STRBP: variants seen among roughly 807,000 people sequenced by gnomAD.
The protein encoded by STRBP is spermatid perinuclear RNA binding protein.
In STRBP, 13 loss-of-function variants were observed where a neutral mutation model predicts 80.1. The ratio of observed to expected loss-of-function variants is 0.16; its 90% CI spans 0.11 to 0.26. The LOEUF (loss-of-function observed/expected upper bound fraction) is 0.26. Ranked by LOEUF, STRBP falls within the 10% of genes least tolerant of loss-of-function variation. The probability of loss-of-function intolerance (pLI) is 1.00; values close to 1 mark genes in which losing one functional copy is unlikely to be tolerated. For synonymous variants in STRBP, 284 were observed against 291.2 expected, an observed-to-expected ratio of 0.98 and a Z score of 0.25; for missense variants, 485 against 815.2, an observed-to-expected ratio of 0.59 and a Z score of 4.93.
chr9:123,128,090 TG>T, intron 18 of STRBP, 123 bp downstream of exon 18: 2 of 1,198,636 alleles, frequency 1.7e-6, no homozygotes, highest in Non-Finnish European at 2.4e-6. Context: ...GAATTTAAGT[TG>T]GGTCACTAGA....
intron 4 of STRBP, among the ~76,000 whole-genome samples, chr9:123,176,909 G>C (rs2038243959): frequency 6.6e-6 from 1 of 152,094 alleles, no homozygotes; most frequent in African/African-American, 2.4e-5. Context: ...TAAGTTATTT[G>C]ACTTTTGAAT....
chr9:123,258,671 G>GC (rs1489141021), intron 1 of STRBP, among the ~76,000 whole-genome samples: 1 of 152,114 alleles, frequency 6.6e-6, no homozygotes, highest in Non-Finnish European at 1.5e-5. Context: ...AGGCATGGTG[G>GC]CGGGCGCCTG....
In STRBP at chr9:123,122,685, C is replaced by T. The variant is rs1182949606; in HGVS notation, c.*2912G>A. The T allele has an allele frequency of 3.0e-6, 3 of 1,012,770 alleles. No individual in the cohort carries two copies. The African/African-American group carries it at 5.2e-5, about 18-fold the overall frequency. 62.7% of individuals were successfully genotyped at this position (1,012,770 alleles called of 1,614,324 possible). On this transcript the variant is annotated 3_prime_UTR_variant, in exon 19 of 19. Transcript: ENST00000348403. ...AGAAACACAAGCTGCAAGCCACATC[C>T]CTGGCTAGGGGCCAGTCCCCGTGCA... is the stretch of plus-strand genomic sequence containing the variant.
At chr9:123,158,302 T>G in intron 10 of STRBP, 30 bp downstream of exon 10, 1 of 1,602,258 alleles carries the variant, frequency 6.2e-7, no homozygotes, top group Non-Finnish European at 8.5e-7. Context: ...ATTTCACTAA[T>G]AAGTCAGAGT....
At chr9:123,181,800 CAAAAAAAAAAAAAAAAAA>C (rs56785428) in intron 3 of STRBP, among the ~76,000 whole-genome samples, 6 of 25,762 alleles carry the variant, frequency 2.3e-4, no homozygotes, top group African/African-American at 1.1e-3. Context: ...AACTTCGTCT[CAAAAAAAAAAAAAAAAAA>C]AAAAAAAAAA....
At chr9:123,158,984 G>T in intron 9 of STRBP, 112 bp downstream of exon 9, 1 of 760,520 alleles carries the variant, frequency 1.3e-6, no homozygotes. Flanking sequence ...CCAAGCAAAA[G>T]AACTCCTATG....
chr9:123,169,893 C>A lies in STRBP; in HGVS notation c.535+9G>T. ...ATATACATATATATATATATATATA[C>A]ATGTGTACCTCCATCCTTCTTCTCC... is the stretch of plus-strand genomic sequence containing the variant. On this transcript the variant is annotated intron_variant, in intron 6 of 18. Coordinates refer to ENST00000348403, the MANE Select transcript of STRBP (RefSeq NM_018387.5). 9 of 1,244,460 alleles carry A rather than the reference C, an allele frequency of 7.2e-6. No homozygotes were observed. Among genetic ancestry groups the A allele is most frequent in the Non-Finnish European group, 9.8e-6 (9 of 922,232 alleles). 77.1% of individuals were successfully genotyped at this position (1,244,460 alleles called of 1,614,324 possible).
chr9:123,245,673 G>A lies in STRBP; in HGVS notation c.-301-8707C>T, dbSNP rs766845964. 3.3e-5 allele frequency among the ~76,000 whole-genome samples: 5 copies of A among 152,282 alleles called. 1 individual carries two copies. Among genetic ancestry groups the A allele is most frequent in the Middle Eastern group, 6.8e-3 (2 of 294 alleles). On this transcript the variant is annotated intron_variant, in intron 1 of 18. Coordinates refer to ENST00000348403, the MANE Select transcript of STRBP (RefSeq NM_018387.5). ...TGGGATTACAGGCGTGAGCCACCAC[G>A]TCCGGCCTCAAGCATCTGTATTTCT...
At chr9:123,155,964 G>A (rs917789240) in intron 11 of STRBP, among the ~76,000 whole-genome samples, 14 of 151,924 alleles carry the variant, frequency 9.2e-5, no homozygotes, top group South Asian at 2.1e-4. Flanking sequence ...ACTTGCCCAG[G>A]CCATATAACT....
chr9:123,177,889 A>G (rs2038289349), intron 4 of STRBP, among the ~76,000 whole-genome samples: 1 of 152,220 alleles, frequency 6.6e-6, no homozygotes, highest in Non-Finnish European at 1.5e-5. Context: ...CTTGCACAGG[A>G]GCTGAGATAC....
intron 1 of STRBP, among the ~76,000 whole-genome samples, chr9:123,262,162 T>C (rs1032047906): frequency 5.3e-5 from 8 of 152,186 alleles, no homozygotes; most frequent in South Asian, 2.1e-4. Context: ...ACCAGTATTA[T>C]TGAAGCATAC....
chr9:123,122,206 G>T lies in STRBP; in HGVS notation c.*3391C>A. 1.4e-6 allele frequency: 1 copy of T among 720,828 alleles called. No homozygotes were observed. The highest frequency in any genetic ancestry group is 2.0e-6 in the Non-Finnish European group (1 of 491,626). The allele number at this position is 720,828 out of a possible 1,614,324, so 44.7% of individuals were successfully genotyped here. On this transcript the variant is annotated 3_prime_UTR_variant, in exon 19 of 19. Coordinates refer to ENST00000348403, the MANE Select transcript of STRBP (RefSeq NM_018387.5). ...AAAAGAGCTTACCTTTGTATACTGA[G>T]ATCACAGCTTACAGTCACTATATCT...
intron 1 of STRBP, among the ~76,000 whole-genome samples, chr9:123,242,590 G>A (rs572910916): frequency 6.6e-6 from 1 of 152,258 alleles, no homozygotes; most frequent in East Asian, 1.9e-4. Context: ...AACCCAGGAG[G>A]AAAAGGTTGC....
chr9:123,183,850 T>G (rs2038592035), intron 3 of STRBP, among the ~76,000 whole-genome samples: 1 of 152,234 alleles, frequency 6.6e-6, no homozygotes, highest in Non-Finnish European at 1.5e-5. Flanking sequence ...TGTATCAGTT[T>G]GCTAATGCCA....
intron 13 of STRBP, among the ~76,000 whole-genome samples, chr9:123,141,239 A>G (rs1441296548): frequency 1.3e-5 from 2 of 152,220 alleles, no homozygotes; most frequent in African/African-American, 2.4e-5. Context: ...ATCGACCTAC[A>G]TAGAAGTCTG....
intron 2 of STRBP, among the ~76,000 whole-genome samples, chr9:123,192,843 A>G (rs1006919264): frequency 1.3e-5 from 2 of 152,178 alleles, no homozygotes; most frequent in African/African-American, 4.8e-5. Context: ...AAAACCTTCA[A>G]TAACCACTAA....
intron 3 of STRBP, among the ~76,000 whole-genome samples, chr9:123,181,488 A>G (rs1417366683): frequency 6.6e-6 from 1 of 152,212 alleles, no homozygotes; most frequent in Admixed American, 6.5e-5. Flanking sequence ...GATGTGACAG[A>G]ATAAGCACCA....
At chr9:123,184,092 C>A in intron 3 of STRBP, 40 bp downstream of exon 3, 1 of 1,581,330 alleles carries the variant, frequency 6.3e-7, no homozygotes, top group South Asian at 1.1e-5. Context: ...TTACTGGAGT[C>A]TTTTGTAACT....
At chr9:123,178,375 A>T (rs1394246907) in intron 4 of STRBP, among the ~76,000 whole-genome samples, 1 of 152,202 alleles carries the variant, frequency 6.6e-6, no homozygotes, top group East Asian at 1.9e-4. Context: ...AGCCTGGCAT[A>T]AAAAGATTAA....
Sources: gnomAD v4.1 joint callset for allele counts (sites outside exome capture counted in the v4.1 genomes callset) on GRCh38, gnomAD v4.1.1 for gene constraint, MANE v1.5 for transcripts, NCBI Gene and HGNC (gene_info 2026-07-23, HGNC 2026-07-21) for gene names.